TGIF1: variants seen among roughly 807,000 people sequenced by gnomAD.
The protein encoded by TGIF1 is TGFB induced factor homeobox 1.
A neutral mutation model predicts 19.3 loss-of-function variants in TGIF1; 4 were observed. The ratio of observed to expected loss-of-function variants is 0.21; its 90% CI spans 0.10 to 0.47. TGIF1 has a LOEUF of 0.47. Ranked by LOEUF, TGIF1 falls within the 20% of genes least tolerant of loss-of-function variation. The pLI is 0.98. For missense variants in TGIF1, 275 were observed against 341.4 expected (o/e 0.81, Z 1.53); for synonymous variants, 122 against 129.3 (o/e 0.94, Z 0.38).
intron 2 of TGIF1, among the ~76,000 whole-genome samples, chr18:3,424,896 C>T (rs2082448203): frequency 6.6e-6 from 1 of 152,220 alleles, no homozygotes; most frequent in Non-Finnish European, 1.5e-5. Flanking sequence ...TCTCTTCCAT[C>T]TGGCTGTTCA....
At position 3,450,366 on chromosome 18, in the gene TGIF1, T is replaced by TG; in HGVS notation, c.-122dup. On this transcript the variant is annotated 5_prime_UTR_variant, in exon 1 of 3. Coordinates refer to ENST00000343820, the MANE Select transcript of TGIF1 (RefSeq NM_003244.4). ...GAGCGTCCTGTTTAGCAATAACGGCTGGAGCACGTCCTACAAGTTACGGGA... is the reference window on the plus strand; with the variant it reads ...GAGCGTCCTGTTTAGCAATAACGGCTGGGAGCACGTCCTACAAGTTACGGGA... The TG allele has an allele frequency of 2.6e-6, 4 of 1,524,510 alleles. No homozygotes were observed. In the Admixed American group the frequency reaches 8.3e-5, roughly 32 times the overall value. 94.4% of individuals were successfully genotyped at this position (1,524,510 alleles called of 1,614,324 possible).
At chr18:3,441,168 C>T (rs1442505065) in intron 2 of TGIF1, among the ~76,000 whole-genome samples, 1 of 152,082 alleles carries the variant, frequency 6.6e-6, no homozygotes, top group African/African-American at 2.4e-5. Context: ...TTTGTATAAG[C>T]CCTTCATGAA....
chr18:3,446,366 T>C (rs1294589904), upstream of TGIF1, among the ~76,000 whole-genome samples: 1 of 152,158 alleles, frequency 6.6e-6, no homozygotes, highest in African/African-American at 2.4e-5. Flanking sequence ...GTATTTTTAG[T>C]AGAGATGGGG....
chr18:3,450,534 G>T (rs574541374), intron 1 of TGIF1, 29 bp downstream of exon 1: 1 of 1,557,536 alleles, frequency 6.4e-7, no homozygotes, highest in Non-Finnish European at 8.7e-7. Flanking sequence ...GCGCGCACCA[G>T]AAGACGCGAG....
chr18:3,456,162 A>G lies in TGIF1; in HGVS notation c.17-192A>G. The G allele has an allele frequency of 1.5e-6, 1 of 682,736 alleles. No homozygotes were observed. The highest frequency in any genetic ancestry group is 1.6e-5 in the South Asian group (1 of 60,842). 42.3% of individuals were successfully genotyped at this position (682,736 alleles called of 1,614,324 possible). A position where few individuals can be genotyped will look rare whatever the true frequency, so the allele number is the denominator to read the frequency against. On this transcript the variant is annotated intron_variant, in intron 1 of 2. Transcript: ENST00000343820. This position sits in a 1 kb window ranked among gnomAD's most constrained non-coding sequence, Gnocchi z 4.2. ...AGAAAAGGCATCTGGCATTTGGTTG[A>G]GAGCCTCCTATGTGGTGCTAGTCAA...
intron 2 of TGIF1, among the ~76,000 whole-genome samples, chr18:3,431,463 T>C (rs968135280): frequency 2.6e-5 from 4 of 151,640 alleles, no homozygotes; most frequent in Admixed American, 2.6e-4. Flanking sequence ...AAAACTAAAA[T>C]AAAATAATTA....
At chr18:3,412,073 G>A (rs929677810) in exon 1 of TGIF1, 1 of 161,964 alleles carries the variant, frequency 6.2e-6, no homozygotes, top group Non-Finnish European at 1.4e-5. Context: ...CCTCAGCGGG[G>A]CAAAGGCCAG....
chr18:3,438,596 A>ACACACACACACACACACACAC (rs1555647866), intron 2 of TGIF1, among the ~76,000 whole-genome samples: 3 of 135,998 alleles, frequency 2.2e-5, no homozygotes, highest in Non-Finnish European at 3.1e-5. Flanking sequence ...CATACACACA[A>ACACACACACACACACACACAC]ACACACACAC....
At chr18:3,444,722 AT>A (rs1424304231) in intron 2 of TGIF1, among the ~76,000 whole-genome samples, 5 of 152,192 alleles carry the variant, frequency 3.3e-5, no homozygotes, top group African/African-American at 1.2e-4. Flanking sequence ...GTGCATAAAT[AT>A]TTAATAATGA....
chr18:3,448,161 G>A, upstream of TGIF1: 1 of 984,822 alleles, frequency 1.0e-6, no homozygotes, highest in Non-Finnish European at 1.2e-6. Flanking sequence ...CGCTTTCGAA[G>A]TTAGCAAACA....
intron 1 of TGIF1, chr18:3,415,073 A>G (rs898984007): frequency 3.3e-5 from 5 of 153,828 alleles, no homozygotes; most frequent in African/African-American, 1.2e-4. Context: ...CACCCCTGTC[A>G]CCACCTCTGT....
At chr18:3,450,045 C>A, upstream of TGIF1, 1 of 994,446 alleles carries the variant, frequency 1.0e-6, no homozygotes, top group Non-Finnish European at 1.2e-6. Context: ...GGCCGCCGCG[C>A]TCGGTCCAGT....
upstream of TGIF1, chr18:3,448,685 C>T: frequency 5.6e-6 from 5 of 895,668 alleles, no homozygotes; most frequent in Non-Finnish European, 6.6e-6. Flanking sequence ...TTTTTAAACT[C>T]TGGCCTCCAC....
chr18:3,416,654 G>A (rs2082335342), intron 1 of TGIF1, among the ~76,000 whole-genome samples: 1 of 152,030 alleles, frequency 6.6e-6, no homozygotes, highest in Admixed American at 6.6e-5. Flanking sequence ...AATAAGGCCG[G>A]GCTGGGTGGC....
Position 3,457,521 on chromosome 18 carries a change from C to A in TGIF1, c.400C>A (p.Pro134Thr). The A allele has an allele frequency of 6.2e-7, 1 of 1,614,196 alleles. No individual in the cohort carries two copies. Among genetic ancestry groups the A allele is most frequent in the East Asian group, 2.2e-5 (1 of 44,884 alleles). The change falls in exon 3 of 3, where the codon CCA becomes ACA. Residue 134 changes from proline (P) to threonine (T), a missense_variant. Pro to Thr is a conservative substitution (Grantham distance 38, BLOSUM62 -1). Transcript: ENST00000343820. The surrounding 1 kb of genome is among the most constrained non-coding windows in gnomAD (Gnocchi z 4.9). ...CGTGATGGGCATCAAAAACTTCATG[C>A]CAGCTCTAGAGGAGACCCCATTTCA... ...ESVMGIKNFM[P>T]ALEETPFHSC... is the part of the protein sequence containing the mutation.
In TGIF1 at chr18:3,456,354, G is replaced by T; in HGVS notation, c.17G>T (p.Gly6Val). 6.2e-7 allele frequency: 1 copy of T among 1,614,156 alleles called. No homozygotes were observed. Among genetic ancestry groups the T allele is most frequent in the Non-Finnish European group, 8.5e-7 (1 of 1,179,994 alleles). The change falls in exon 2 of 3, where the codon GGT becomes GTT. Residue 6 changes from glycine to valine, a missense_variant and splice_region_variant. Gly to Val is a moderately radical substitution (Grantham distance 109). Transcript: ENST00000343820. This position sits in a 1 kb window ranked among gnomAD's most constrained non-coding sequence, Gnocchi z 4.2. MKGKK[G>V]IVAASGSETE... ...ACAACTGGCCCTTGTCCTTTCCTAG[G>T]TATTGTTGCAGCATCTGGCAGTGAG...
chr18:3,449,863 C>A (rs2082844073), upstream of TGIF1: 2 of 985,470 alleles, frequency 2.0e-6, no homozygotes, highest in East Asian at 1.1e-4. Context: ...AACGCACCCT[C>A]GCCAGCCCCG....
intron 2 of TGIF1, among the ~76,000 whole-genome samples, chr18:3,420,825 G>A (rs776336472): frequency 1.6e-4 from 25 of 152,186 alleles, no homozygotes; most frequent in Non-Finnish European, 3.1e-4. Flanking sequence ...TATTTTGACT[G>A]CTTTTTGCTG....
chr18:3,447,829 T>C, upstream of TGIF1: 1 of 1,613,610 alleles, frequency 6.2e-7, no homozygotes, highest in Non-Finnish European at 8.5e-7. Flanking sequence ...TTCCTCCCCC[T>C]AATTCGAAAG....
Sources: allele counts gnomAD v4.1 joint callset (sites outside exome capture counted in the v4.1 genomes callset), GRCh38; gene constraint gnomAD v4.1.1; non-coding constraint Gnocchi (gnomAD v3.1); transcripts MANE v1.5; gene names NCBI Gene and HGNC (gene_info 2026-07-23, HGNC 2026-07-21).